Variants in TOM1L2 observed in about 807,000 individuals in gnomAD.
TOM1L2 encodes the protein target of myb1 like 2 membrane trafficking protein.
A neutral mutation model predicts 67.9 loss-of-function variants in TOM1L2; 31 were observed. That is an observed-to-expected ratio of 0.46 (90% CI 0.34 to 0.62). The LOEUF is 0.62. Ranked by LOEUF, TOM1L2 falls within the 20% of genes least tolerant of loss-of-function variation. TOM1L2 has a pLI of 0.01. For missense variants in TOM1L2, 606 were observed against 663.5 expected (o/e 0.91, Z 0.95); for synonymous variants, 256 against 254.0 (o/e 1.01, Z -0.07).
chr17:17,907,552 T>A (rs1404411396), intron 1 of TOM1L2, 21 bp from the exon 2 acceptor site: 1 of 1,610,062 alleles, frequency 6.2e-7, no homozygotes, highest in African/African-American at 1.3e-5. Flanking sequence ...AGAGAGAAAA[T>A]GGGTTTACAT....
intron 3 of TOM1L2, 141 bp from the exon 4 acceptor site, chr17:17,893,951 A>G: frequency 1.3e-6 from 1 of 765,640 alleles, no homozygotes; most frequent in Non-Finnish European, 2.1e-6. Context: ...TCCAGAGCCA[A>G]ACCTGCATGG....
chr17:17,888,098 T>A (rs1446551205), intron 4 of TOM1L2, among the ~76,000 whole-genome samples: 1 of 152,176 alleles, frequency 6.6e-6, no homozygotes, highest in Non-Finnish European at 1.5e-5. Flanking sequence ...GGCTGCCCCC[T>A]CTTAAAGCTG....
chr17:17,960,847 C>T (rs1483945646), intron 1 of TOM1L2, among the ~76,000 whole-genome samples: 1 of 152,190 alleles, frequency 6.6e-6, no homozygotes, highest in Non-Finnish European at 1.5e-5. Flanking sequence ...CTACTAATAG[C>T]ACCATCCTTA....
In TOM1L2 at chr17:17,862,862, A is replaced by G; in HGVS notation, c.1085-14T>C. On this transcript the variant is annotated splice_polypyrimidine_tract_variant and intron_variant, in intron 10 of 14. Transcript: ENST00000379504. ...CTGTCCCCAAGTCTGTGGCAACAAAACAAATGGGTGGCAGATGAGAACAAA... is the reference window on the plus strand; with the variant it reads ...CTGTCCCCAAGTCTGTGGCAACAAAGCAAATGGGTGGCAGATGAGAACAAA... The G allele has an allele frequency of 6.2e-7, 1 of 1,607,818 alleles. No individual in the cohort carries two copies. Among genetic ancestry groups the G allele is most frequent in the East Asian group, 2.2e-5 (1 of 44,760 alleles).
chr17:17,963,005 T>G (rs971055980), intron 1 of TOM1L2, among the ~76,000 whole-genome samples: 9 of 148,234 alleles, frequency 6.1e-5, no homozygotes, highest in African/African-American at 2.2e-4. Flanking sequence ...TTTTATCAGG[T>G]TTTTTTTTTA....
chr17:17,889,770 GC>G (rs1233908629), intron 4 of TOM1L2, among the ~76,000 whole-genome samples: 4 of 152,206 alleles, frequency 2.6e-5, no homozygotes, highest in Admixed American at 6.5e-5. Context: ...TCCTGGCTGG[GC>G]CCTCACCCTC....
intron 1 of TOM1L2, among the ~76,000 whole-genome samples, chr17:17,972,005 A>C (rs1422750848): frequency 1.4e-5 from 2 of 148,106 alleles, no homozygotes; most frequent in Non-Finnish European, 3.0e-5. Flanking sequence ...CAGGATGCCC[A>C]ACCCGCCCGT....
chr17:17,884,608 C>T (rs2037897257), intron 5 of TOM1L2, 26 bp downstream of exon 5: 1 of 1,613,374 alleles, frequency 6.2e-7, no homozygotes, highest in Non-Finnish European at 8.5e-7. Flanking sequence ...GTAGGTCTTT[C>T]TAGAAAGTGC....
At chr17:17,892,229 G>A (rs2038324002) in intron 4 of TOM1L2, among the ~76,000 whole-genome samples, 1 of 152,140 alleles carries the variant, frequency 6.6e-6, no homozygotes, top group South Asian at 2.1e-4. Context: ...ATGGACAGAG[G>A]CTCCTCTCCA....
At chr17:17,952,919 G>A (rs894922429) in intron 1 of TOM1L2, among the ~76,000 whole-genome samples, 1 of 152,146 alleles carries the variant, frequency 6.6e-6, no homozygotes, top group Non-Finnish European at 1.5e-5. Flanking sequence ...TGCCCTGACA[G>A]AACAGGAAGG....
At chr17:17,938,142 A>G (rs4244602) in intron 1 of TOM1L2, among the ~76,000 whole-genome samples, 83,266 of 152,106 alleles carry the variant, frequency 0.55, 25,046 homozygotes, top group East Asian at 0.94. Context: ...ACCCAGGACT[A>G]CAGGTAGAAA....
intron 3 of TOM1L2, among the ~76,000 whole-genome samples, chr17:17,896,534 C>T (rs1290652586): frequency 1.3e-5 from 2 of 152,138 alleles, no homozygotes; most frequent in African/African-American, 4.8e-5. Flanking sequence ...ATGCATGTGC[C>T]ACAGAGCAGC....
intron 1 of TOM1L2, among the ~76,000 whole-genome samples, chr17:17,924,517 T>A (rs115973167): frequency 3.6e-3 from 555 of 152,244 alleles, no homozygotes; most frequent in African/African-American, 0.013. Flanking sequence ...TTAAAATCCT[T>A]AGCTGGGTGC....
intron 3 of TOM1L2, among the ~76,000 whole-genome samples, chr17:17,898,154 G>A (rs1568203584): frequency 6.6e-6 from 1 of 152,052 alleles, no homozygotes; most frequent in Non-Finnish European, 1.5e-5. Context: ...TTGAACTCCT[G>A]ACCTTGAGAT....
chr17:17,882,996 C>G lies in TOM1L2; in HGVS notation c.502-133G>C, dbSNP rs976096043. The G allele has an allele frequency of 2.8e-6, 3 of 1,084,038 alleles. No individual in the cohort carries two copies. The African/African-American group carries it at 4.7e-5, about 17-fold the overall frequency. The allele number at this position is 1,084,038 out of a possible 1,614,324, so 67.2% of individuals were successfully genotyped here. A position where few individuals can be genotyped will look rare whatever the true frequency, so the allele number is the denominator to read the frequency against. The stretch of plus-strand genomic sequence containing the variant: ...CTCAAGGCCCTGCTCCACTGCTGCC[C>G]GGGTGAGGTTCACAGAACCCCACTG... On this transcript the variant is annotated intron_variant, in intron 5 of 14. Coordinates refer to ENST00000379504, the MANE Select transcript of TOM1L2 (RefSeq NM_001082968.2).
At chr17:17,881,793 C>T (rs896105896) in intron 6 of TOM1L2, among the ~76,000 whole-genome samples, 1 of 152,180 alleles carries the variant, frequency 6.6e-6, no homozygotes, top group Admixed American at 6.5e-5. Flanking sequence ...ACTCCCTGCT[C>T]AGAGCTAGCA....
At position 17,913,249 on chromosome 17, in the gene TOM1L2, G is replaced by GTGGGGAGACGGGGGAGACCC. The variant is rs2039483358; in HGVS notation, c.53-5719_53-5718insGGGTCTCCCCCGTCTCCCCA. 8.0e-5 allele frequency among the ~76,000 whole-genome samples: 12 copies of GTGGGGAGACGGGGGAGACCC among 149,540 alleles called. No individual in the cohort carries two copies. The South Asian group carries it at 2.5e-3, about 32-fold the overall frequency. ...AGACCGTGGGGAGACGGGGGAGACC[G>GTGGGGAGACGGGGGAGACCC]TGGGGAGACGGGAGAGGGAGAGGGA... is the stretch of plus-strand genomic sequence containing the variant. On this transcript the variant is annotated intron_variant, in intron 1 of 14. Transcript: ENST00000379504.
chr17:17,956,601 C>T (rs1210728309), intron 1 of TOM1L2, among the ~76,000 whole-genome samples: 1 of 152,200 alleles, frequency 6.6e-6, no homozygotes, highest in Non-Finnish European at 1.5e-5. Flanking sequence ...CAGGGAGGCT[C>T]AGGCATGGTG....
At chr17:17,937,655 C>G (rs979173778) in intron 1 of TOM1L2, among the ~76,000 whole-genome samples, 1 of 152,208 alleles carries the variant, frequency 6.6e-6, no homozygotes, top group Admixed American at 6.5e-5. Context: ...GGCTGACAAA[C>G]TGCTCAGCAA....
Sources: gnomAD v4.1 joint callset for allele counts (sites outside exome capture counted in the v4.1 genomes callset) on GRCh38, gnomAD v4.1.1 for gene constraint, MANE v1.5 for transcripts, NCBI Gene and HGNC (gene_info 2026-07-23, HGNC 2026-07-21) for gene names.